The following ZSCAN30 variants were observed in gnomAD, a reference collection of about 807,000 sequenced individuals.
ZSCAN30 encodes the protein zinc finger and SCAN domain containing 30.
Under a neutral mutation model 44.3 loss-of-function variants are expected in ZSCAN30, and 37 were observed. The ratio of observed to expected loss-of-function variants is 0.84; its 90% confidence interval spans 0.64 to 1.10. The LOEUF (loss-of-function observed/expected upper bound fraction) is 1.10. Among genes scored for constraint, ZSCAN30 ranks in the 50% least tolerant of loss-of-function variants. The pLI, the probability that ZSCAN30 is intolerant of heterozygous loss-of-function variation, is 0.00. For synonymous variants in ZSCAN30, 181 were observed against 204.6 expected (o/e 0.88, Z 0.98); for missense variants, 549 against 582.6 (o/e 0.94, Z 0.59).
intron 1 of ZSCAN30, among the ~76,000 whole-genome samples, chr18:35,272,359 T>TA (rs1294586706): frequency 2.0e-5 from 3 of 147,624 alleles, no homozygotes; most frequent in Non-Finnish European, 4.5e-5. Context: ...AGTTTTTTTT[T>TA]TTTTTTTAGA....
rs980776585 is a variant in ZSCAN30 at position 35,252,952 on chromosome 18, T to C, written c.*498A>G. The C allele has an allele frequency of 1.3e-5, 2 of 153,692 alleles. No homozygotes were observed. The highest frequency in any genetic ancestry group is 4.8e-5 in the African/African-American group (2 of 41,468). The allele number at this position is 153,692 out of a possible 1,614,324, so 9.5% of individuals were successfully genotyped here. ...TCAGGTACTATTTTACTGCCTCAGATATTATTAAACTAATAGCATAATTCA... is the reference window on the plus strand; with the variant it reads ...TCAGGTACTATTTTACTGCCTCAGACATTATTAAACTAATAGCATAATTCA... On this transcript the variant is annotated 3_prime_UTR_variant, in exon 4 of 4. Transcript: ENST00000333206.
intron 3 of ZSCAN30, chr18:35,255,013 T>A (rs2043749173): frequency 6.5e-6 from 1 of 153,810 alleles, no homozygotes; most frequent in Non-Finnish European, 1.5e-5. Flanking sequence ...AGGTGGGAAT[T>A]TTTTTTAACT....
At chr18:35,286,683 G>A (rs2044557081) in intron 1 of ZSCAN30, among the ~76,000 whole-genome samples, 1 of 151,958 alleles carries the variant, frequency 6.6e-6, no homozygotes. Flanking sequence ...GAGAAAGGAT[G>A]CTTAAGATTA....
chr18:35,270,428 TTTTG>T (rs776386076), intron 1 of ZSCAN30, among the ~76,000 whole-genome samples: 37 of 152,366 alleles, frequency 2.4e-4, no homozygotes, highest in East Asian at 1.2e-3. Flanking sequence ...TCTTTTTAAT[TTTTG>T]TTTCTCATTT....
chr18:35,254,336 A>G lies in ZSCAN30; in HGVS notation c.599T>C (p.Ile200Thr), dbSNP rs922255975. 1 of 1,613,864 alleles carries G rather than the reference A, an allele frequency of 6.2e-7. No homozygotes were observed. The highest frequency in any genetic ancestry group is 1.7e-5 in the Admixed American group (1 of 60,014). Reference sequence around the variant, plus strand: ...AGCTGCTGAGGCTACACATTCAACAATTTCTTGCTTTGCCATCAACACTTT... The same window carrying G: ...AGCTGCTGAGGCTACACATTCAACAGTTTCTTGCTTTGCCATCAACACTTT... The part of the protein sequence containing the change: ...AGKVLMAKQE[I>T]VECVASAAMI... The change falls in exon 4 of 4, where the codon ATT becomes ACT. Residue 200 changes from isoleucine (I) to threonine (T), a missense_variant. Transcript: ENST00000333206.
chr18:35,252,898 G>A lies in ZSCAN30; in HGVS notation c.*552C>T, dbSNP rs1251009982. ...GAAGCTCAGGATTGAGGAGACAACT[G>A]GCAAGGGGGCAGAATGAGGCACCAT... On this transcript the variant is annotated 3_prime_UTR_variant, in exon 4 of 4. Transcript: ENST00000333206. 6.5e-6 allele frequency: 1 copy of A among 153,220 alleles called. No individual in the cohort carries two copies. The highest frequency in any genetic ancestry group is 2.4e-5 in the African/African-American group (1 of 41,440). The allele number at this position is 153,220 out of a possible 1,614,324, so 9.5% of individuals were successfully genotyped here. A position where few individuals can be genotyped will look rare whatever the true frequency, so the allele number is the denominator to read the frequency against.
intron 1 of ZSCAN30, chr18:35,285,165 TGAGA>T (rs1362285797): frequency 6.6e-6 from 1 of 152,588 alleles, no homozygotes; most frequent in Non-Finnish European, 1.5e-5. Context: ...GGCAACAGAG[TGAGA>T]GACTCCATCT....
At chr18:35,271,489 T>C (rs2044274283) in intron 1 of ZSCAN30, among the ~76,000 whole-genome samples, 1 of 152,254 alleles carries the variant, frequency 6.6e-6, no homozygotes, top group Non-Finnish European at 1.5e-5. Flanking sequence ...TTTACAAACC[T>C]TGAACTAGAC....
rs1207903630 is a variant in ZSCAN30 at position 35,253,688 on chromosome 18, A to G, written c.1247T>C (p.Ile416Thr). The change falls in exon 4 of 4, where the codon ATT becomes ACT. Residue 416 changes from isoleucine to threonine, a missense_variant. By Grantham distance (89) the Ile-to-Thr change is moderately conservative. Coordinates refer to ENST00000333206, the MANE Select transcript of ZSCAN30 (RefSeq NM_001112734.4). ...CCTACCAAAAGCCTTACCACATGCA[A>G]TACATTCATAGCTTTTATCTCCAGT... The part of the protein sequence containing the change: ...IHTGDKSYEC[I>T]ACGKAFGRSS... 6.2e-7 allele frequency: 1 copy of G among 1,613,990 alleles called. No individual in the cohort carries two copies. The highest frequency in any genetic ancestry group is 8.5e-7 in the Non-Finnish European group (1 of 1,179,984).
At chr18:35,283,384 C>T (rs1338546402) in intron 1 of ZSCAN30, 1 of 152,296 alleles carries the variant, frequency 6.6e-6, no homozygotes, top group Non-Finnish European at 1.5e-5. Flanking sequence ...TGTTGCTTTT[C>T]TAGTCAGAAA....
intron 1 of ZSCAN30, chr18:35,270,104 T>C (rs1018248631): frequency 1.3e-5 from 2 of 152,250 alleles, no homozygotes; most frequent in African/African-American, 4.8e-5. Flanking sequence ...TTTATTTATT[T>C]TCTTTTAAAA....
chr18:35,253,019 A>C lies in ZSCAN30; in HGVS notation c.*431T>G, dbSNP rs984503246. 4 of 157,874 alleles carry C rather than the reference A, an allele frequency of 2.5e-5. No individual in the cohort carries two copies. Among genetic ancestry groups the C allele is most frequent in the African/African-American group, 9.6e-5 (4 of 41,616 alleles). The allele number at this position is 157,874 out of a possible 1,614,324, so 9.8% of individuals were successfully genotyped here. ...CAAATTCAACATTTCAGATAGTTGAATAACTCTCAGCACATGCCTCCACCT... is the reference window on the plus strand; with the variant it reads ...CAAATTCAACATTTCAGATAGTTGACTAACTCTCAGCACATGCCTCCACCT... On this transcript the variant is annotated 3_prime_UTR_variant, in exon 4 of 4. Transcript: ENST00000333206.
chr18:35,262,286 G>C (rs2044043164), intron 3 of ZSCAN30: 1 of 152,208 alleles, frequency 6.6e-6, no homozygotes, highest in Non-Finnish European at 1.5e-5. Flanking sequence ...CAGAAGGGTA[G>C]TCAGATTTAA....
rs1018541362 is a variant in ZSCAN30 at position 35,252,422 on chromosome 18, A to G, written c.*1028T>C. 5.9e-5 allele frequency: 9 copies of G among 152,128 alleles called. No homozygotes were observed. The highest frequency in any genetic ancestry group is 2.2e-4 in the African/African-American group (9 of 41,416). The allele number at this position is 152,128 out of a possible 1,614,324, so 9.4% of individuals were successfully genotyped here. Reference sequence around the variant, plus strand: ...CTCTGCTATTCCCCATTCCCTGCCCACACCCCTCCTTACCAGGCTTGCAGG... The same window carrying G: ...CTCTGCTATTCCCCATTCCCTGCCCGCACCCCTCCTTACCAGGCTTGCAGG... On this transcript the variant is annotated 3_prime_UTR_variant, in exon 4 of 4. Coordinates refer to ENST00000333206, the MANE Select transcript of ZSCAN30 (RefSeq NM_001112734.4).
At position 35,251,888 on chromosome 18, in the gene ZSCAN30, C is replaced by T. The variant is rs1441958032; in HGVS notation, c.*1562G>A. 1.3e-5 allele frequency: 2 copies of T among 151,952 alleles called. No individual in the cohort carries two copies. Among genetic ancestry groups the T allele is most frequent in the Admixed American group, 1.3e-4 (2 of 15,244 alleles). 9.4% of individuals were successfully genotyped at this position (151,952 alleles called of 1,614,324 possible). A position where few individuals can be genotyped will look rare whatever the true frequency, so the allele number is the denominator to read the frequency against. ...ATACAAGCAGTGATCACCAAGTCTT[C>T]TTTAGAAATGACACTACCTAGGATA... On this transcript the variant is annotated 3_prime_UTR_variant, in exon 4 of 4. Transcript: ENST00000333206.
intron 1 of ZSCAN30, chr18:35,268,860 G>A (rs1416904175): frequency 6.6e-6 from 1 of 152,324 alleles, no homozygotes; most frequent in East Asian, 1.9e-4. Context: ...CTAATTTGTA[G>A]AAAAGAAAAG....
chr18:35,287,693 A>C (rs2044577550), intron 1 of ZSCAN30, among the ~76,000 whole-genome samples: 1 of 152,128 alleles, frequency 6.6e-6, no homozygotes, highest in South Asian at 2.1e-4. Context: ...CCTGGAGGAA[A>C]TCTTGGTGAA....
At chr18:35,282,590 C>T (rs74931988) in intron 1 of ZSCAN30, 4,249 of 152,284 alleles carry the variant, frequency 0.028, 91 homozygotes, top group Non-Finnish European at 0.042. Context: ...TTGTAGTTCA[C>T]ATATGTTGTT....
rs1168338205 is a variant in ZSCAN30, at chr18:35,264,327, G to A, written c.26C>T (p.Ala9Val). 1 of 1,613,598 alleles carries A rather than the reference G, an allele frequency of 6.2e-7. No homozygotes were observed. The highest frequency in any genetic ancestry group is 8.5e-7 in the Non-Finnish European group (1 of 1,179,904). ...TTCCTGTTCTTCTGGAGCATGGTAG[G>A]CCAAGACTGTGGCCTCTCCTGACAT... MSGEATVL[A>V]YHAPEEQEGL... is the part of the protein sequence containing the mutation. The change falls in exon 2 of 4, where the codon GCC (alanine) becomes GTC (valine). Residue 9 changes from alanine to valine, a missense_variant. Transcript: ENST00000333206.
Sources: allele counts gnomAD v4.1 joint callset (sites outside exome capture counted in the v4.1 genomes callset), GRCh38; gene constraint gnomAD v4.1.1; transcripts MANE v1.5; gene names NCBI Gene and HGNC (gene_info 2026-07-23, HGNC 2026-07-21).